Variants in ZNF329 observed in about 807,000 individuals in gnomAD.
ZNF329 encodes zinc finger protein 329.
Under a neutral mutation model 26.6 loss-of-function variants are expected in ZNF329, and 15 were observed. The ratio of observed to expected loss-of-function variants is 0.56; its 90% CI spans 0.38 to 0.87. The LOEUF (loss-of-function observed/expected upper bound fraction) is 0.87. Among genes scored for constraint, ZNF329 ranks in the 40% least tolerant of loss-of-function variants. The pLI is 0.00. For missense variants in ZNF329, 651 were observed against 651.9 expected (o/e 1.00, Z 0.02); for synonymous variants, 239 against 233.5 (o/e 1.02, Z -0.21).
Position 58,128,062 on chromosome 19 carries a change from G to A in ZNF329, c.1442C>T (p.Thr481Ile). The A allele has an allele frequency of 6.2e-7, 1 of 1,612,854 alleles. No individual in the cohort carries two copies. The part of the protein sequence containing the change: ...TKHQRIHTKE[T>I]PYQCPECGKS... The stretch of plus-strand genomic sequence containing the variant: ...CCCACATTCTGGACACTGATATGGG[G>A]TCTCCTTAGTGTGAATTCTCTGGTG... The change falls in exon 4 of 4, where the codon ACC (threonine) becomes ATC (isoleucine). Residue 481 changes from threonine (T) to isoleucine (I), a missense_variant. Transcript: ENST00000598312.
chr19:58,150,503 A>T (rs574554353), intron 1 of ZNF329, among the ~76,000 whole-genome samples: 1 of 152,382 alleles, frequency 6.6e-6, no homozygotes, highest in African/African-American at 2.4e-5. Flanking sequence ...CGTCCAGACC[A>T]GCCCCGGAGC....
In ZNF329 at chr19:58,130,873, G is replaced by A. The variant is rs928295765; in HGVS notation, c.-8-1362C>T. ...CATTCATTTGGTGGGATCGGGTCTC[G>A]CTCTGTCATTCAGGCTGAAGTGCAG... On this transcript the variant is annotated intron_variant, in intron 3 of 3. Coordinates refer to ENST00000598312, the MANE Select transcript of ZNF329 (RefSeq NM_024620.4). Among the ~76,000 whole-genome samples the A allele has an allele frequency of 1.5e-4, 23 of 151,982 alleles. No individual in the cohort carries two copies. The South Asian group carries it at 3.7e-3, about 25-fold the overall frequency.
intron 3 of ZNF329, chr19:58,132,583 G>C (rs1372100904): frequency 6.6e-6 from 1 of 151,764 alleles, no homozygotes; most frequent in Non-Finnish European, 1.5e-5. Flanking sequence ...GGGAGGCTGA[G>C]GTAGGAGAAT....
chr19:58,128,789 A>G lies in ZNF329; in HGVS notation c.715T>C (p.Ser239Pro). ...KPYTCNECGK[S>P]FSKNYNLIVH... ...ATCAGGTTGTAGTTCTTGGAGAAGG[A>G]CTTTCCACACTCATTACAAGTATAA... The change falls in exon 4 of 4, where the codon TCC (serine) becomes CCC (proline). Residue 239 changes from serine to proline, a missense_variant. Transcript: ENST00000598312. 1.3e-6 allele frequency: 2 copies of G among 1,599,678 alleles called. No homozygotes were observed. Among genetic ancestry groups the G allele is most frequent in the Non-Finnish European group, 1.7e-6 (2 of 1,173,448 alleles).
At chr19:58,139,284 G>C (rs566581337) in intron 3 of ZNF329, among the ~76,000 whole-genome samples, 47 of 152,006 alleles carry the variant, frequency 3.1e-4, no homozygotes, top group Non-Finnish European at 4.6e-4. Flanking sequence ...TGTGTATCTA[G>C]AATATCGAAA....
intron 1 of ZNF329, among the ~76,000 whole-genome samples, chr19:58,146,233 G>A: frequency 6.6e-6 from 1 of 152,254 alleles, no homozygotes; most frequent in East Asian, 1.9e-4. Flanking sequence ...CAGCACTGTA[G>A]GAGGCCAAGG....
Position 58,128,142 on chromosome 19 carries a change from G to A in ZNF329, c.1362C>T (p.Pro454=). The A allele has an allele frequency of 2.5e-6, 4 of 1,589,934 alleles. No individual in the cohort carries two copies. The South Asian group carries it at 4.6e-5, about 18-fold the overall frequency. Reference sequence around the variant, plus strand: ...CTTTGCCACACTGATTACACTCATAGGGCTTCTCACCAGTATGAGTCCTCT... The same window carrying A: ...CTTTGCCACACTGATTACACTCATAAGGCTTCTCACCAGTATGAGTCCTCT... ...RHQRTHTGEK[P]YECNQCGKAF... Residue 454 remains proline, a synonymous_variant, in exon 4 of 4, where the codon CCC becomes CCT. Coordinates refer to ENST00000598312, the MANE Select transcript of ZNF329 (RefSeq NM_024620.4).
intron 3 of ZNF329, among the ~76,000 whole-genome samples, chr19:58,131,618 A>G (rs2074946046): frequency 6.6e-6 from 1 of 152,196 alleles, no homozygotes; most frequent in Non-Finnish European, 1.5e-5. Context: ...ATTTAAAAGC[A>G]CAAAGAATTA....
chr19:58,132,615 G>A (rs886898899), intron 3 of ZNF329: 2 of 151,502 alleles, frequency 1.3e-5, no homozygotes, highest in African/African-American at 4.9e-5. Flanking sequence ...AGGAGGCAGA[G>A]GTTGCAGTGA....
chr19:58,154,902 G>C (rs1410186543), upstream of ZNF329: 1 of 152,410 alleles, frequency 6.6e-6, no homozygotes, highest in African/African-American at 2.4e-5. Context: ...GAGCCCACAG[G>C]AGTCCCCGCA....
rs2074860043 is a variant in ZNF329, at chr19:58,128,673, G to A, written c.831C>T (p.His277=). The A allele has an allele frequency of 1.2e-6, 2 of 1,604,472 alleles. No individual in the cohort carries two copies. Among genetic ancestry groups the A allele is most frequent in the Admixed American group, 1.7e-5 (1 of 58,934 alleles). ...GTTTCTCGCCTGTGTGAATTCTCTGGTGCTGTGTCAGAGCTGAGCCATCAC... is the reference window on the plus strand; with the variant it reads ...GTTTCTCGCCTGTGTGAATTCTCTGATGCTGTGTCAGAGCTGAGCCATCAC... ...AFSDGSALTQ[H]QRIHTGEKPY... The change falls in exon 4 of 4, where the codon CAC becomes CAT. Residue 277 remains histidine (H), a synonymous_variant. Transcript: ENST00000598312.
chr19:58,144,456 C>T (rs963332543), intron 1 of ZNF329, among the ~76,000 whole-genome samples: 67 of 151,446 alleles, frequency 4.4e-4, no homozygotes, highest in African/African-American at 1.5e-3. Flanking sequence ...GGCGCGATCT[C>T]GGCTCACTGC....
At chr19:58,145,907 G>A (rs1245877343) in intron 1 of ZNF329, among the ~76,000 whole-genome samples, 2 of 150,124 alleles carry the variant, frequency 1.3e-5, no homozygotes, top group African/African-American at 2.5e-5. Flanking sequence ...CCAAAGACGA[G>A]AGTCTGAATT....
intron 1 of ZNF329, among the ~76,000 whole-genome samples, chr19:58,143,411 T>A (rs1408641240): frequency 2.0e-5 from 3 of 152,130 alleles, no homozygotes; most frequent in Admixed American, 2.0e-4. Context: ...TGGAATAATT[T>A]TACTGATGCG....
intron 1 of ZNF329, among the ~76,000 whole-genome samples, chr19:58,149,592 AAG>A (rs1246849842): frequency 6.6e-6 from 1 of 152,166 alleles, no homozygotes; most frequent in Non-Finnish European, 1.5e-5. Context: ...AAGTTGGGTG[AAG>A]AGAGAGGTAA....
Position 58,141,870 on chromosome 19 carries a change from G to A in ZNF329, c.-9+687C>T, listed in dbSNP as rs901505376. 3.3e-5 allele frequency among the ~76,000 whole-genome samples: 5 copies of A among 150,768 alleles called. No individual in the cohort carries two copies. The East Asian group carries it at 9.8e-4, about 30-fold the overall frequency. ...ATCATGCCATTGCACTCCAGCCTGG[G>A]CAACAAGAGCGAACCTCCATCTCAA... On this transcript the variant is annotated intron_variant, in intron 3 of 3. Transcript: ENST00000598312.
At position 58,147,447 on chromosome 19, in the gene ZNF329, C is replaced by T. The variant is rs1459352156; in HGVS notation, c.-208+3305G>A. Among the ~76,000 whole-genome samples, 29 of 147,874 alleles carry T rather than the reference C, an allele frequency of 2.0e-4. 1 individual carries two copies. Among genetic ancestry groups the T allele is most frequent in the African/African-American group, 6.7e-4 (26 of 38,644 alleles). ...GGGGCCAGCCCCCCGCCCGGCCAGC[C>T]GCCCCGTCCGGGAGGTGAGGGGCGC... On this transcript the variant is annotated intron_variant, in intron 1 of 3. Coordinates refer to ENST00000598312, the MANE Select transcript of ZNF329 (RefSeq NM_024620.4).
intron 1 of ZNF329, among the ~76,000 whole-genome samples, chr19:58,144,618 A>G (rs1394788704): frequency 6.6e-6 from 1 of 150,668 alleles, no homozygotes; most frequent in African/African-American, 2.4e-5. Flanking sequence ...TGAACTCCTG[A>G]CCTCAGGTGA....
intron 1 of ZNF329, among the ~76,000 whole-genome samples, chr19:58,147,429 GC>G (rs1260360357): frequency 6.9e-6 from 1 of 144,562 alleles, no homozygotes; most frequent in African/African-American, 2.8e-5. Flanking sequence ...TGGGGGGCCA[GC>G]CCCCCGCCCG....
Sources: allele counts gnomAD v4.1 joint callset (sites outside exome capture counted in the v4.1 genomes callset), GRCh38; gene constraint gnomAD v4.1.1; transcripts MANE v1.5; gene names NCBI Gene and HGNC (gene_info 2026-07-23, HGNC 2026-07-21).